The following SREBF2 variants were observed in gnomAD, a reference collection of about 807,000 sequenced individuals.
SREBF2 encodes the protein sterol regulatory element-binding protein 2.
In SREBF2, 55 loss-of-function variants were observed where a neutral mutation model predicts 113.1. That is an observed-to-expected ratio of 0.49 (90% CI 0.39 to 0.61). The LOEUF (loss-of-function observed/expected upper bound fraction) is 0.61. SREBF2 is among the 20% of genes least tolerant of loss of function. The pLI is 0.00. For synonymous variants in SREBF2, 593 were observed against 605.7 expected (o/e 0.98, Z 0.31); for missense variants, 1,349 against 1,487.4 (o/e 0.91, Z 1.53).
intron 10 of SREBF2, among the ~76,000 whole-genome samples, chr22:41,882,030 C>T (rs749134837): frequency 3.9e-5 from 6 of 151,968 alleles, no homozygotes; most frequent in Non-Finnish European, 8.8e-5. Flanking sequence ...CAAGATTGCA[C>T]CATAGCACTC....
chr22:41,843,473 G>A (rs545564397), intron 1 of SREBF2, among the ~76,000 whole-genome samples: 3 of 152,324 alleles, frequency 2.0e-5, no homozygotes, highest in African/African-American at 7.2e-5. Context: ...ATACGTTTTT[G>A]CATGCAATCT....
At chr22:41,844,826 T>C (rs1209115554) in intron 1 of SREBF2, among the ~76,000 whole-genome samples, 1 of 152,086 alleles carries the variant, frequency 6.6e-6, no homozygotes, top group African/African-American at 2.4e-5. Flanking sequence ...GAAATCATGC[T>C]TCTTCCCAAG....
intron 1 of SREBF2, among the ~76,000 whole-genome samples, chr22:41,852,747 T>G (rs1324268171): frequency 7.0e-6 from 1 of 143,282 alleles, no homozygotes; most frequent in African/African-American, 2.6e-5. Flanking sequence ...TTTTTTTTTT[T>G]TTTTTTTTTT....
chr22:41,833,512 C>T lies in SREBF2; in HGVS notation c.88+154C>T. The T allele has an allele frequency of 3.6e-6, 2 of 561,190 alleles. No homozygotes were observed. Among genetic ancestry groups the T allele is most frequent in the Non-Finnish European group, 5.8e-6 (2 of 342,458 alleles). The allele number at this position is 561,190 out of a possible 1,614,324, so 34.8% of individuals were successfully genotyped here. ...TGCCCCCGGCGGTCCTCAACCCTTCCGGCGCTGCGAGCGTGAGCCCGACCC... is the reference window on the plus strand; with the variant it reads ...TGCCCCCGGCGGTCCTCAACCCTTCTGGCGCTGCGAGCGTGAGCCCGACCC... On this transcript the variant is annotated intron_variant, in intron 1 of 18. Coordinates refer to ENST00000361204, the MANE Select transcript of SREBF2 (RefSeq NM_004599.4). The surrounding 1 kb of genome is among the most constrained non-coding windows in gnomAD (Gnocchi z 4.1).
intron 1 of SREBF2, among the ~76,000 whole-genome samples, chr22:41,835,372 G>C (rs8139585): frequency 7.0e-6 from 1 of 142,456 alleles, no homozygotes; most frequent in Non-Finnish European, 1.5e-5. Flanking sequence ...GTGCAATGGC[G>C]CGATCTCGGC....
chr22:41,846,852 G>C, intron 1 of SREBF2, among the ~76,000 whole-genome samples: 1 of 152,158 alleles, frequency 6.6e-6, no homozygotes, highest in East Asian at 1.9e-4. Flanking sequence ...TGAGGCACTT[G>C]TCTGTTCTTG....
At chr22:41,873,659 T>C (rs986755563) in intron 4 of SREBF2, 139 bp from the exon 5 acceptor site, 5 of 845,768 alleles carry the variant, frequency 5.9e-6, no homozygotes, top group Non-Finnish European at 9.7e-6. Flanking sequence ...CTGATTTGAT[T>C]AACCCAGGAA....
intron 2 of SREBF2, among the ~76,000 whole-genome samples, chr22:41,867,910 A>G (rs2077101317): frequency 6.6e-6 from 1 of 152,250 alleles, no homozygotes; most frequent in Non-Finnish European, 1.5e-5. Context: ...GGCGGCAGCC[A>G]GATCTCAGCT....
In SREBF2 at chr22:41,879,076, G is replaced by C. The variant is rs536046192; in HGVS notation, c.1761+953G>C. Among the ~76,000 whole-genome samples, 42 of 152,236 alleles carry C rather than the reference G, an allele frequency of 2.8e-4. No homozygotes were observed. The South Asian group carries it at 6.8e-3, about 25-fold the overall frequency. On this transcript the variant is annotated intron_variant, in intron 9 of 18. Transcript: ENST00000361204. ...AAGGTCTCACTGTGTTGCCTGGCTG[G>C]TCCTGAACTCCTAGGCTCAAGTGAT...
At position 41,875,768 on chromosome 22, in the gene SREBF2, T is replaced by C. The variant is rs772856171; in HGVS notation, c.1386+44T>C. 12 of 1,607,934 alleles carry C rather than the reference T, an allele frequency of 7.5e-6. No individual in the cohort carries two copies. The South Asian group carries it at 1.3e-4, about 18-fold the overall frequency. ...TCCTGATCCCTGGAATCTTTCCCAT[T>C]TCCCCTAAGAAGATAGCTGGGAGGT... On this transcript the variant is annotated intron_variant, in intron 7 of 18. Transcript: ENST00000361204.
rs2077438001 is a variant in SREBF2 at position 41,898,736 on chromosome 22, A to G, written c.2693A>G (p.His898Arg). 1.2e-6 allele frequency: 2 copies of G among 1,613,962 alleles called. No homozygotes were observed. Among genetic ancestry groups the G allele is most frequent in the African/African-American group, 2.7e-5 (2 of 74,966 alleles). ...LQGDDAAVRSHFTKVERIPKA... is the reference protein window; with the variant it reads ...LQGDDAAVRSRFTKVERIPKA... ...GGAGACGATGCAGCTGTGCGCTCTC[A>G]TTTTACCAAAGTGGAACGCATCCCC... is the stretch of plus-strand genomic sequence containing the variant. The change falls in exon 15 of 19, where the codon CAT (histidine) becomes CGT (arginine). Residue 898 changes from histidine to arginine, a missense_variant. Around this residue, in one of 2 missense-constraint regions of SREBF2, gnomAD observed 650 missense variants for 644.1 expected, o/e 1.01. Transcript: ENST00000361204.
intron 1 of SREBF2, among the ~76,000 whole-genome samples, chr22:41,852,161 G>A (rs2076938341): frequency 6.6e-6 from 1 of 150,934 alleles, no homozygotes; most frequent in East Asian, 1.9e-4. Context: ...TGGGGACCTG[G>A]CCTGGGAGTG....
Position 41,859,872 on chromosome 22 carries a change from G to A in SREBF2, c.89-6959G>A, listed in dbSNP as rs1016371064. 2.2e-5 allele frequency among the ~76,000 whole-genome samples: 3 copies of A among 136,624 alleles called. No individual in the cohort carries two copies. The East Asian group carries it at 6.9e-4, about 31-fold the overall frequency. The allele number at this position is 136,624 out of a possible 152,430, so 89.6% of individuals were successfully genotyped here. A position where few individuals can be genotyped will look rare whatever the true frequency, so the allele number is the denominator to read the frequency against. On this transcript the variant is annotated intron_variant, in intron 1 of 18. Coordinates refer to ENST00000361204, the MANE Select transcript of SREBF2 (RefSeq NM_004599.4). ...GTCACCCAGGCTGGAGTGCAGTGGC[G>A]CAATCTCGGTGCAAGCTCCGCCTCC...
At chr22:41,899,955 C>A in intron 15 of SREBF2, 2 of 1,185,784 alleles carry the variant, frequency 1.7e-6, no homozygotes, top group Non-Finnish European at 2.1e-6. Context: ...GAGTTTAATA[C>A]CACATCTCTG....
At position 41,868,652 on chromosome 22, in the gene SREBF2, G is replaced by C; in HGVS notation, c.580G>C (p.Val194Leu). Residue 194 changes from valine to leucine, a missense_variant, in exon 3 of 19, where the codon GTA (valine) becomes CTA (leucine). This residue lies in a region of SREBF2 where 699 missense variants were observed against 843.3 expected (regional missense o/e 0.83). Coordinates refer to ENST00000361204, the MANE Select transcript of SREBF2 (RefSeq NM_004599.4). The stretch of plus-strand genomic sequence containing the variant: ...CCAAAGCCTGGTGACATCCTCCCAG[G>C]TACAGCCGGTCACCATTCAGCAGCA... ...QVQSLVTSSQ[V>L]QPVTIQQQVQ... 1 of 1,614,172 alleles carries C rather than the reference G, an allele frequency of 6.2e-7. No individual in the cohort carries two copies. Among genetic ancestry groups the C allele is most frequent in the East Asian group, 2.2e-5 (1 of 44,880 alleles).
intron 1 of SREBF2, among the ~76,000 whole-genome samples, chr22:41,838,140 T>A (rs1053893814): frequency 6.6e-6 from 1 of 152,202 alleles, no homozygotes; most frequent in Non-Finnish European, 1.5e-5. Context: ...GGGATCCTCT[T>A]CCACTGGGAT....
intron 1 of SREBF2, among the ~76,000 whole-genome samples, chr22:41,865,286 G>A (rs537100107): frequency 3.9e-5 from 6 of 152,036 alleles, no homozygotes; most frequent in African/African-American, 1.2e-4. Context: ...CTAAATCAGA[G>A]CATCACATGG....
Position 41,897,152 on chromosome 22 carries a change from T to A in SREBF2, c.2596T>A (p.Ser866Thr), listed in dbSNP as rs760365874. 1 of 1,610,618 alleles carries A rather than the reference T, an allele frequency of 6.2e-7. No homozygotes were observed. The highest frequency in any genetic ancestry group is 8.5e-7 in the Non-Finnish European group (1 of 1,179,140). Residue 866 changes from serine to threonine, a missense_variant, in exon 14 of 19, where the codon TCC becomes ACC. By Grantham distance (58) the Ser-to-Thr change is moderately conservative. Around this residue, in one of 2 missense-constraint regions of SREBF2, gnomAD observed 650 missense variants for 644.1 expected, o/e 1.01. Transcript: ENST00000361204. ...PPLSRSSVLK[S>T]ALGPDIICRW... ...ACTCTCCAGGAGCTCCGTGCTCAAG[T>A]CCGCCCTGGGTAAGCACCTGCGGGT...
chr22:41,852,728 A>ATTTTTTT (rs544824099), intron 1 of SREBF2, among the ~76,000 whole-genome samples: 9 of 40,402 alleles, frequency 2.2e-4, no homozygotes, highest in African/African-American at 3.3e-4. Flanking sequence ...TCTCAGAATG[A>ATTTTTTT]TTTTTTTTTT....
Sources: allele counts gnomAD v4.1 joint callset (sites outside exome capture counted in the v4.1 genomes callset), GRCh38; gene constraint gnomAD v4.1.1; regional missense constraint gnomAD v4.1.1; non-coding constraint Gnocchi (gnomAD v3.1); transcripts MANE v1.5; gene names NCBI Gene and HGNC (gene_info 2026-07-23, HGNC 2026-07-21).